Variants in KIAA0232 observed in about 807,000 individuals in gnomAD.
KIAA0232 encodes the protein uncharacterized protein KIAA0232.
KIAA0232 carries 27 observed loss-of-function variants against 122.0 expected under a neutral mutation model. The ratio of observed to expected loss-of-function variants is 0.22; its 90% CI spans 0.16 to 0.31. The LOEUF is 0.31. Ranked by LOEUF, KIAA0232 falls within the 10% of genes least tolerant of loss-of-function variation. The pLI is 1.00. For synonymous variants in KIAA0232, 613 were observed against 587.6 expected, an observed-to-expected ratio of 1.04 and a Z score of -0.63; for missense variants, 1,551 against 1,634.2, an observed-to-expected ratio of 0.95 and a Z score of 0.88.
intron 5 of KIAA0232, 82 bp from the exon 6 acceptor site, chr4:6,858,343 A>G: frequency 1.3e-6 from 1 of 775,188 alleles, no homozygotes; most frequent in Non-Finnish European, 2.0e-6. Context: ...TCTTGTTAAA[A>G]TTAGTTGAGA....
chr4:6,818,219 G>T (rs1446918262), intron 2 of KIAA0232, among the ~76,000 whole-genome samples: 1 of 151,892 alleles, frequency 6.6e-6, no homozygotes, highest in African/African-American at 2.4e-5. Context: ...TGGCCAAGAT[G>T]GTGAAACCCC....
At position 6,880,866 on chromosome 4, in the gene KIAA0232, G is replaced by C; in HGVS notation, c.4088G>C (p.Cys1363Ser). Residue 1363 changes from cysteine (C) to serine (S), a missense_variant, in exon 10 of 10, where the codon TGC (cysteine) becomes TCC (serine). Cys to Ser is a moderately radical substitution (Grantham distance 112, BLOSUM62 -1). This residue lies in a region of KIAA0232 where 1,108 missense variants were observed against 1,154.8 expected (regional missense o/e 0.96). Coordinates refer to ENST00000307659, the MANE Select transcript of KIAA0232 (RefSeq NM_014743.3). The stretch of plus-strand genomic sequence containing the variant: ...TCAGATGGCTTCCGCGGAAAGATGT[G>C]CTCCAGCGCCAGCTCCACCTCGGAA... ...AKSDGFRGKM[C>S]SSASSTSEET... 1 of 1,607,544 alleles carries C rather than the reference G, an allele frequency of 6.2e-7. No individual in the cohort carries two copies. Among genetic ancestry groups the C allele is most frequent in the Non-Finnish European group, 8.5e-7 (1 of 1,176,804 alleles).
chr4:6,834,071 C>T (rs2109084092), intron 3 of KIAA0232, among the ~76,000 whole-genome samples: 1 of 152,230 alleles, frequency 6.6e-6, no homozygotes, highest in Non-Finnish European at 1.5e-5. Flanking sequence ...CATCTCTGTG[C>T]CTGACTCTCC....
chr4:6,853,115 C>T (rs1019712385), intron 4 of KIAA0232, among the ~76,000 whole-genome samples: 1 of 152,134 alleles, frequency 6.6e-6, no homozygotes, highest in African/African-American at 2.4e-5. Flanking sequence ...CTGACTGATT[C>T]CCCCATCCCT....
intron 2 of KIAA0232, among the ~76,000 whole-genome samples, chr4:6,817,457 C>T (rs541520957): frequency 1.3e-4 from 20 of 152,236 alleles, no homozygotes; most frequent in Middle Eastern, 6.8e-3. Context: ...CCTCGTGATC[C>T]GCCTGCCTCG....
At chr4:6,798,144 C>G (rs897707013) in intron 1 of KIAA0232, among the ~76,000 whole-genome samples, 1 of 152,026 alleles carries the variant, frequency 6.6e-6, no homozygotes, top group Admixed American at 6.6e-5. Context: ...GAAAGGGCAC[C>G]AGCTTTGGAG....
chr4:6,842,267 A>T (rs906072491), intron 4 of KIAA0232, 63 bp downstream of exon 4: 3 of 1,509,308 alleles, frequency 2.0e-6, no homozygotes, highest in Admixed American at 2.4e-5. Context: ...TAAGTTTACA[A>T]ATATGACAAC....
At chr4:6,784,110 C>G (rs986754523) in intron 1 of KIAA0232, among the ~76,000 whole-genome samples, 2 of 151,778 alleles carry the variant, frequency 1.3e-5, no homozygotes, top group African/African-American at 4.8e-5. Context: ...CAGTTAAAAA[C>G]AGGAGGGAGA....
intron 9 of KIAA0232, among the ~76,000 whole-genome samples, chr4:6,878,895 C>T (rs781166183): frequency 2.6e-5 from 4 of 152,190 alleles, no homozygotes; most frequent in Non-Finnish European, 5.9e-5. Context: ...TCCGGCTCCA[C>T]ACATGAAGGC....
chr4:6,816,134 A>G (rs189161414), intron 2 of KIAA0232, among the ~76,000 whole-genome samples: 87 of 152,246 alleles, frequency 5.7e-4, no homozygotes, highest in Non-Finnish European at 9.0e-4. Flanking sequence ...GTGGTAGACA[A>G]TTGTGTAGAA....
chr4:6,859,742 G>A (rs1234103986), intron 6 of KIAA0232, among the ~76,000 whole-genome samples: 1 of 152,208 alleles, frequency 6.6e-6, no homozygotes, highest in Non-Finnish European at 1.5e-5. Flanking sequence ...ACCACTTCAT[G>A]TGTGACCTTG....
chr4:6,824,785 G>T, intron 3 of KIAA0232, 101 bp downstream of exon 3: 3 of 971,694 alleles, frequency 3.1e-6, no homozygotes, highest in Non-Finnish European at 3.1e-6. Flanking sequence ...AGCTATTCAT[G>T]TGTGTGTGCA....
intron 2 of KIAA0232, among the ~76,000 whole-genome samples, chr4:6,808,863 C>T (rs1421907979): frequency 3.9e-5 from 6 of 152,180 alleles, no homozygotes; most frequent in African/African-American, 1.4e-4. Flanking sequence ...CCTGCCAAGG[C>T]CTAAGCATTC....
chr4:6,831,454 T>C (rs886809938), intron 3 of KIAA0232, among the ~76,000 whole-genome samples: 2 of 152,168 alleles, frequency 1.3e-5, no homozygotes, highest in African/African-American at 2.4e-5. Context: ...TTAGGTGGTG[T>C]TGGATGGTTA....
rs1415081172 is a variant in KIAA0232 at position 6,866,591 on chromosome 4, A to G, written c.3801+2408A>G. ...GTGCTTCCGGCCCTTTTCCTGAGTC[A>G]GTACAGTCTTTTCAGGAAGCAATCT... On this transcript the variant is annotated intron_variant, in intron 7 of 9. Transcript: ENST00000307659. Among the ~76,000 whole-genome samples the G allele has an allele frequency of 2.0e-5, 3 of 152,196 alleles. No individual in the cohort carries two copies. The East Asian group carries it at 5.8e-4, about 29-fold the overall frequency.
At chr4:6,790,831 T>C (rs1716858747) in intron 1 of KIAA0232, among the ~76,000 whole-genome samples, 2 of 152,074 alleles carry the variant, frequency 1.3e-5, no homozygotes, top group Non-Finnish European at 2.9e-5. Context: ...TTTGGTTAGT[T>C]ACCATCATAG....
In KIAA0232 at chr4:6,786,880, G is replaced by T. The variant is rs532173943; in HGVS notation, c.-354+4039G>T. On this transcript the variant is annotated intron_variant, in intron 1 of 9. Coordinates refer to ENST00000307659, the MANE Select transcript of KIAA0232 (RefSeq NM_014743.3). ...TGGGCAGAGGGAACCAGAGCACAAG[G>T]TTAAAAATATTCCTTGTATTGGCCG... 2.3e-4 allele frequency among the ~76,000 whole-genome samples: 35 copies of T among 152,186 alleles called. No individual in the cohort carries two copies. In the East Asian group the frequency reaches 6.4e-3, roughly 28 times the overall value.
At chr4:6,793,876 T>G (rs933905252) in intron 1 of KIAA0232, among the ~76,000 whole-genome samples, 1 of 152,182 alleles carries the variant, frequency 6.6e-6, no homozygotes, top group African/African-American at 2.4e-5. Flanking sequence ...TCCGAAAAAC[T>G]TCCCTGTGGT....
At chr4:6,848,825 T>C (rs1037344249) in intron 4 of KIAA0232, among the ~76,000 whole-genome samples, 2 of 152,204 alleles carry the variant, frequency 1.3e-5, no homozygotes, top group Admixed American at 6.5e-5. Context: ...GATGCTGTGC[T>C]CTCTCTACAG....
Sources: allele counts gnomAD v4.1 joint callset (sites outside exome capture counted in the v4.1 genomes callset), GRCh38; gene constraint gnomAD v4.1.1; regional missense constraint gnomAD v4.1.1; transcripts MANE v1.5; gene names NCBI Gene and HGNC (gene_info 2026-07-23, HGNC 2026-07-21).